Variants in ADAMTS3 observed in about 807,000 individuals in gnomAD.
ADAMTS3 encodes A disintegrin and metalloproteinase with thrombospondin motifs 3.
A neutral mutation model predicts 129.0 loss-of-function variants in ADAMTS3; 73 were observed. That is an observed-to-expected ratio of 0.57 (90% CI 0.47 to 0.69). The LOEUF (loss-of-function observed/expected upper bound fraction) is 0.69. ADAMTS3 is among the 30% of genes least tolerant of loss of function. The pLI, the probability that ADAMTS3 is intolerant of heterozygous loss-of-function variation, is 0.00. For synonymous variants in ADAMTS3, 477 were observed against 510.8 expected (o/e 0.93, Z 0.89); for missense variants, 1,457 against 1,514.5 (o/e 0.96, Z 0.63).
chr4:72,536,189 A>G (rs1721181014), intron 3 of ADAMTS3, among the ~76,000 whole-genome samples: 3 of 152,220 alleles, frequency 2.0e-5, no homozygotes, highest in Non-Finnish European at 4.4e-5. Flanking sequence ...AAGTGGAACA[A>G]TAACTTTCTA....
At chr4:72,427,822 C>T (rs1003432233) in intron 3 of ADAMTS3, among the ~76,000 whole-genome samples, 1 of 151,802 alleles carries the variant, frequency 6.6e-6, no homozygotes, top group African/African-American at 2.4e-5. Context: ...TAACCCTTCT[C>T]CTCTCCTAGT....
At position 72,281,001 on chromosome 4, in the gene ADAMTS3, T is replaced by A. The variant is rs573310569; in HGVS notation, c.*2135A>T. ...TGTTAACATTTTTATTGGTACGTGC[T>A]CTCAGTACAACAAACAGCATCAGTA... On this transcript the variant is annotated 3_prime_UTR_variant, in exon 22 of 22. Transcript: ENST00000286657. 1.3e-5 allele frequency: 2 copies of A among 152,616 alleles called. No homozygotes were observed. Among genetic ancestry groups the A allele is most frequent in the African/African-American group, 4.8e-5 (2 of 41,440 alleles). The allele number at this position is 152,616 out of a possible 1,614,324, so 9.5% of individuals were successfully genotyped here. A position where few individuals can be genotyped will look rare whatever the true frequency, so the allele number is the denominator to read the frequency against.
chr4:72,466,138 G>C (rs1718911634), intron 3 of ADAMTS3, among the ~76,000 whole-genome samples: 1 of 152,110 alleles, frequency 6.6e-6, no homozygotes. Context: ...CAGAAAGGTT[G>C]GTTGGGTCCT....
At chr4:72,485,395 A>G (rs1238356229) in intron 3 of ADAMTS3, among the ~76,000 whole-genome samples, 1 of 152,152 alleles carries the variant, frequency 6.6e-6, no homozygotes, top group Non-Finnish European at 1.5e-5. Context: ...AAATTTTTAA[A>G]ATTTTGATCA....
chr4:72,488,862 C>T (rs1370462010), intron 3 of ADAMTS3, among the ~76,000 whole-genome samples: 1 of 151,766 alleles, frequency 6.6e-6, no homozygotes, highest in Non-Finnish European at 1.5e-5. Context: ...CTATAGTCAC[C>T]AGAACTTAGA....
At chr4:72,449,671 C>T (rs1486933278) in intron 3 of ADAMTS3, among the ~76,000 whole-genome samples, 1 of 151,746 alleles carries the variant, frequency 6.6e-6, no homozygotes, top group African/African-American at 2.4e-5. Flanking sequence ...TATCCTTCTG[C>T]TTAAAATCCT....
intron 3 of ADAMTS3, among the ~76,000 whole-genome samples, chr4:72,527,619 A>G (rs1044047645): frequency 2.6e-5 from 4 of 152,194 alleles, no homozygotes; most frequent in African/African-American, 9.6e-5. Context: ...AAAATAAAAG[A>G]ATCCTGGAAG....
chr4:72,394,854 T>C lies in ADAMTS3; in HGVS notation c.661+19961A>G, dbSNP rs566743569. 4.6e-5 allele frequency among the ~76,000 whole-genome samples: 7 copies of C among 152,274 alleles called. 1 individual carries two copies. In the South Asian group the frequency reaches 1.4e-3, roughly 32 times the overall value. On this transcript the variant is annotated intron_variant, in intron 4 of 21. Coordinates refer to ENST00000286657, the MANE Select transcript of ADAMTS3 (RefSeq NM_014243.3). ...TGATACTAAATGTCCAGTAGTTTCA[T>C]AGGCAACATATGGTATGACGTGAAT...
At chr4:72,476,233 G>C (rs188454397) in intron 3 of ADAMTS3, among the ~76,000 whole-genome samples, 8 of 151,998 alleles carry the variant, frequency 5.3e-5, no homozygotes, top group African/African-American at 1.7e-4. Context: ...TATCTAGCAA[G>C]ACTGACAAAG....
chr4:72,376,278 A>C (rs1721131016), intron 4 of ADAMTS3, among the ~76,000 whole-genome samples: 1 of 152,196 alleles, frequency 6.6e-6, no homozygotes, highest in African/African-American at 2.4e-5. Flanking sequence ...ATATCTGGTG[A>C]TGGCCCATTC....
At chr4:72,286,370 T>C (rs776599610) in intron 21 of ADAMTS3, among the ~76,000 whole-genome samples, 13 of 152,256 alleles carry the variant, frequency 8.5e-5, no homozygotes, top group Non-Finnish European at 1.6e-4. Flanking sequence ...CTTACATATG[T>C]CAATACTTTC....
chr4:72,335,568 C>T (rs1719967900), intron 5 of ADAMTS3, among the ~76,000 whole-genome samples: 1 of 151,988 alleles, frequency 6.6e-6, no homozygotes, highest in Non-Finnish European at 1.5e-5. Flanking sequence ...TTTCTCCTCC[C>T]AGTAACACTG....
intron 4 of ADAMTS3, among the ~76,000 whole-genome samples, chr4:72,390,521 T>A (rs897625047): frequency 5.9e-5 from 9 of 152,174 alleles, no homozygotes; most frequent in African/African-American, 1.7e-4. Flanking sequence ...ATTTTTAACT[T>A]TACTCATTTT....
Position 72,540,601 on chromosome 4 carries a change from C to T in ADAMTS3, c.504+7877G>A, listed in dbSNP as rs373345556. On this transcript the variant is annotated intron_variant, in intron 3 of 21. Transcript: ENST00000286657. The stretch of plus-strand genomic sequence containing the variant: ...ACAGCAGCCCCTACCATCACACACC[C>T]GGAGGTCTAGGAGGAAAACATGATT... Among the ~76,000 whole-genome samples the T allele has an allele frequency of 1.6e-3, 244 of 152,264 alleles. 1 individual carries two copies. The highest frequency in any genetic ancestry group is 5.5e-3 in the African/African-American group (228 of 41,562).
chr4:72,380,969 C>T (rs374086793), intron 4 of ADAMTS3, among the ~76,000 whole-genome samples: 8 of 152,100 alleles, frequency 5.3e-5, no homozygotes, highest in East Asian at 1.9e-4. Flanking sequence ...TTAACTAATA[C>T]GACTTTGGAG....
chr4:72,337,232 C>A (rs1305965930), intron 5 of ADAMTS3, among the ~76,000 whole-genome samples: 1 of 152,106 alleles, frequency 6.6e-6, no homozygotes, highest in Non-Finnish European at 1.5e-5. Context: ...ACTCTATTTA[C>A]TTTAGAATAA....
intron 3 of ADAMTS3, among the ~76,000 whole-genome samples, chr4:72,462,209 T>A (rs1382186306): frequency 6.6e-6 from 1 of 151,834 alleles, no homozygotes; most frequent in Non-Finnish European, 1.5e-5. Flanking sequence ...GGAGGTGACA[T>A]TTGAGCAGAA....
At chr4:72,396,432 C>G (rs1270310421) in intron 4 of ADAMTS3, among the ~76,000 whole-genome samples, 1 of 151,686 alleles carries the variant, frequency 6.6e-6, no homozygotes. Context: ...TTTATAAGAA[C>G]TATAAAATAT....
intron 4 of ADAMTS3, among the ~76,000 whole-genome samples, chr4:72,371,540 C>CA (rs1404969482): frequency 6.6e-6 from 1 of 151,218 alleles, no homozygotes; most frequent in Non-Finnish European, 1.5e-5. Context: ...TTACTAAAAA[C>CA]AAAAAATATA....
Sources: gnomAD v4.1 joint callset for allele counts (sites outside exome capture counted in the v4.1 genomes callset) on GRCh38, gnomAD v4.1.1 for gene constraint, MANE v1.5 for transcripts, NCBI Gene and HGNC (gene_info 2026-07-23, HGNC 2026-07-21) for gene names.